The following TTN variants were observed in gnomAD, a reference collection of about 807,000 sequenced individuals.
TTN encodes the protein titin.
TTN carries 1,525 observed loss-of-function variants against 3,223.0 expected under a neutral mutation model. The observed-to-expected ratio is 0.47, with a 90% CI of 0.45 to 0.49. The LOEUF (loss-of-function observed/expected upper bound fraction) is 0.49, where lower values mean the gene tolerates loss of function less well. Ranked by LOEUF, TTN falls within the 20% of genes least tolerant of loss-of-function variation. The pLI, the probability that TTN is intolerant of heterozygous loss-of-function variation, is 0.00. For missense variants in TTN, 40,786 were observed against 43,424.0 expected, an observed-to-expected ratio of 0.94 and a Z score of 5.40; for synonymous variants, 14,094 against 15,161.0, an observed-to-expected ratio of 0.93 and a Z score of 5.17.
At chr2:178,712,248 A>T in intron 95 of TTN, 26 bp from the exon 96 acceptor site, 1 of 1,610,210 alleles carries the variant, frequency 6.2e-7, no homozygotes, top group Admixed American at 1.7e-5. Context: ...ATAATCAATC[A>T]GTCATGAAGG....
At chr2:178,669,770 A>C (rs1445845133) in intron 157 of TTN, 95 bp from the exon 158 acceptor site, 1 of 1,175,088 alleles carries the variant, frequency 8.5e-7, no homozygotes, top group East Asian at 2.4e-5. Context: ...GATGAACGCC[A>C]AAAACCCCTC....
rs1691031638 is a variant in TTN, at chr2:178,535,519, C to G, written c.101096G>C (p.Ser33699Thr). The change falls in exon 358 of 363, where the codon AGT becomes ACT. Residue 33699 changes from serine (S) to threonine (T), a missense_variant. Coordinates refer to ENST00000589042, the MANE Select transcript of TTN (RefSeq NM_001267550.2). Reference protein sequence around the residue: ...VPDPPRGVKVSDVSRDSVNLT... With the variant: ...VPDPPRGVKVTDVSRDSVNLT... ...GTTGACAGAATCTCGTGAGACATCACTAACTTTGACTCCTCTGGGTGGGTC... is the reference window on the plus strand; with the variant it reads ...GTTGACAGAATCTCGTGAGACATCAGTAACTTTGACTCCTCTGGGTGGGTC... 6.2e-7 allele frequency: 1 copy of G among 1,613,882 alleles called. No individual in the cohort carries two copies. Among genetic ancestry groups the G allele is most frequent in the African/African-American group, 1.3e-5 (1 of 75,028 alleles).
rs1172579091 is a variant in TTN at position 178,572,534 on chromosome 2, TTAGTGACC to T, written c.73590_73597del (p.Val24531AspfsTer13). 1 of 1,613,474 alleles carries T rather than the reference TTAGTGACC, an allele frequency of 6.2e-7. No individual in the cohort carries two copies. Among genetic ancestry groups the T allele is most frequent in the Non-Finnish European group, 8.5e-7 (1 of 1,179,600 alleles). ...GTCCCATGTGAGTGTGACAGATGTCTTAGTGACCTCTTTTACCTTCAGATCCTGTGGGG... is the reference window on the plus strand; with the variant it reads ...GTCCCATGTGAGTGTGACAGATGTCTTCTTTTACCTTCAGATCCTGTGGGG... On this transcript the variant is annotated frameshift_variant, in exon 326 of 363. Transcript: ENST00000589042. LOFTEE classifies it high-confidence loss of function.
chr2:178,770,895 T>C (rs2091378559), intron 34 of TTN: 2 of 813,778 alleles, frequency 2.5e-6, no homozygotes, highest in Non-Finnish European at 4.3e-6. Flanking sequence ...TATGCTTTAG[T>C]AGTATGAAGT....
At chr2:178,685,172 A>G in intron 129 of TTN, 81 bp downstream of exon 129, 1 of 1,308,648 alleles carries the variant, frequency 7.6e-7, no homozygotes, top group Non-Finnish European at 1.1e-6. Context: ...ATTGTTATGC[A>G]TAAGACAGTT....
Position 178,585,191 on chromosome 2 carries a change from GC to G in TTN, c.64552del (p.Ala21518GlnfsTer7), listed in dbSNP as rs1432617601. On this transcript the variant is annotated frameshift_variant, in exon 309 of 363. Coordinates refer to ENST00000589042, the MANE Select transcript of TTN (RefSeq NM_001267550.2). LOFTEE classifies it high-confidence loss of function. ...VTSSHLAVHK[A>X]DSSSILIIKD... is the part of the protein sequence containing the mutation. ...TATGATCAGAATTGAAGAGCTGTCTGCTTTATGCACTGCCAGGTGGCTGGAT... is the reference window on the plus strand; with the variant it reads ...TATGATCAGAATTGAAGAGCTGTCTGTTTATGCACTGCCAGGTGGCTGGAT... 2 of 1,613,218 alleles carry G rather than the reference GC, an allele frequency of 1.2e-6. No individual in the cohort carries two copies. The highest frequency in any genetic ancestry group is 2.7e-5 in the African/African-American group (2 of 74,868).
intron 311 of TTN, 92 bp downstream of exon 311, chr2:178,584,182 CTG>C: frequency 1.4e-6 from 2 of 1,383,844 alleles, no homozygotes; most frequent in Admixed American, 4.6e-5. Context: ...CTACTACTCT[CTG>C]TGTCTTGGAG....
In TTN at chr2:178,569,269, T is replaced by G; in HGVS notation, c.76863A>C (p.Thr25621=). The G allele has an allele frequency of 6.2e-7, 1 of 1,606,820 alleles. No homozygotes were observed. Among genetic ancestry groups the G allele is most frequent in the South Asian group, 1.1e-5 (1 of 89,994 alleles). The change falls in exon 326 of 363, where the codon ACA becomes ACC. Residue 25621 remains threonine (T), a synonymous_variant. Coordinates refer to ENST00000589042, the MANE Select transcript of TTN (RefSeq NM_001267550.2). The part of the protein sequence containing the change: ...TEITKDSVSI[T]WEPPLLDGGS... ...CCCCATCCAACAAAGGAGGTTCCCA[T>G]GTAATTGATACTGAGTCTTTGGTGA...
Position 178,639,682 on chromosome 2 carries a change from A to G in TTN, c.40876+17T>C. 1 of 1,610,680 alleles carries G rather than the reference A, an allele frequency of 6.2e-7. No homozygotes were observed. The highest frequency in any genetic ancestry group is 1.1e-5 in the South Asian group (1 of 90,856). On this transcript the variant is annotated intron_variant, in intron 223 of 362. Transcript: ENST00000589042. ...CACCAAAACAAACTAGCAAAAAGAA[A>G]GCTACAGGATAAATACCTGCTTTCT...
chr2:178,747,067 C>T lies in TTN; in HGVS notation c.11312-5146G>A, dbSNP rs1178315187. On this transcript the variant is annotated intron_variant, in intron 47 of 362. Coordinates refer to ENST00000589042, the MANE Select transcript of TTN (RefSeq NM_001267550.2). ...GAATAGAATATCTCTCTAGTGCCTC[C>T]CCTGGGGGTGTGGAATATCGCTCTA... The T allele has an allele frequency of 2.5e-6, 4 of 1,612,002 alleles. No individual in the cohort carries two copies. Among genetic ancestry groups the T allele is most frequent in the Non-Finnish European group, 3.4e-6 (4 of 1,178,954 alleles).
chr2:178,536,635 A>ATT, intron 356 of TTN, 60 bp from the exon 357 acceptor site: 1 of 1,374,258 alleles, frequency 7.3e-7, no homozygotes, highest in Non-Finnish European at 9.6e-7. Flanking sequence ...ATTAAAGCTT[A>ATT]TTTTTTTAAA....
At chr2:178,648,533 C>G (rs1355978641) in intron 213 of TTN, among the ~76,000 whole-genome samples, 1 of 152,086 alleles carries the variant, frequency 6.6e-6, no homozygotes, top group Admixed American at 6.6e-5. Context: ...CCTCAGCCTC[C>G]CAAGTAGCTG....
Position 178,551,821 on chromosome 2 carries a change from T to C in TTN, c.91079A>G (p.His30360Arg). The C allele has an allele frequency of 6.2e-7, 1 of 1,613,862 alleles. No homozygotes were observed. The highest frequency in any genetic ancestry group is 8.5e-7 in the Non-Finnish European group (1 of 1,179,810). Residue 30360 changes from histidine (H) to arginine (R), a missense_variant, in exon 335 of 363, where the codon CAT (histidine) becomes CGT (arginine). Coordinates refer to ENST00000589042, the MANE Select transcript of TTN (RefSeq NM_001267550.2). ...GCTATTTCTTTCTTTCTTTTCAACATGGAATCCAGTAACTTCTGAACCACC... is the reference window on the plus strand; with the variant it reads ...GCTATTTCTTTCTTTCTTTTCAACACGGAATCCAGTAACTTCTGAACCACC... The part of the protein sequence containing the change: ...YDGGSEVTGF[H>R]VEKKERNSIL...
chr2:178,580,228 A>G lies in TTN; in HGVS notation c.67059T>C (p.Asp22353=). ...TCACATTGACAGGTGGCCCAGGAGTATCTGGATAAATAGTAGGTAAATAAG... is the reference window on the plus strand; with the variant it reads ...TCACATTGACAGGTGGCCCAGGAGTGTCTGGATAAATAGTAGGTAAATAAG... ...KEYTIVVKVL[D]TPGPPVNVTV... is the part of the protein sequence containing the mutation. Residue 22353 remains aspartate (D), a splice_region_variant and synonymous_variant, in exon 318 of 363, where the codon GAT becomes GAC. Coordinates refer to ENST00000589042, the MANE Select transcript of TTN (RefSeq NM_001267550.2). 1 of 1,611,660 alleles carries G rather than the reference A, an allele frequency of 6.2e-7. No homozygotes were observed. Among genetic ancestry groups the G allele is most frequent in the Non-Finnish European group, 8.5e-7 (1 of 1,179,182 alleles).
At position 178,730,929 on chromosome 2, in the gene TTN, T is replaced by A. The variant is rs1248076023; in HGVS notation, c.17736A>T (p.Val5912=). 6.3e-7 allele frequency: 1 copy of A among 1,599,142 alleles called. No individual in the cohort carries two copies. The highest frequency in any genetic ancestry group is 8.5e-7 in the Non-Finnish European group (1 of 1,171,804). The change falls in exon 60 of 363, where the codon GTA becomes GTT. Residue 5912 remains valine, a synonymous_variant. Transcript: ENST00000589042. ...GRSSCKARIN[V]LDLIIPPSFT... ...CTGTAGAAGAACAATACCAACCTAA[T>A]ACATTAATTCTAGCCTTGCAGCTGC...
Position 178,601,053 on chromosome 2 carries a change from C to G in TTN, c.55851G>C (p.Glu18617Asp), listed in dbSNP as rs878854316. The stretch of plus-strand genomic sequence containing the variant: ...TCCCAGTAGGGTCCCATGCAAGGCA[C>G]TCAACAATATAGTGGGTAACAGGGG... ...GGSPVTHYIVECLAWDPTGTK... is the reference protein window; with the variant it reads ...GGSPVTHYIVDCLAWDPTGTK... Residue 18617 changes from glutamate to aspartate, a missense_variant, in exon 288 of 363, where the codon GAG becomes GAC. Transcript: ENST00000589042. 3 of 1,612,890 alleles carry G rather than the reference C, an allele frequency of 1.9e-6. No homozygotes were observed.
chr2:178,618,338 G>A lies in TTN; in HGVS notation c.47120C>T (p.Ala15707Val). ...CTCACAACTCTCTGCACGGTCTGTG[G>A]CCAGAACCCAGGTCTTTCTCTTAAT... is the stretch of plus-strand genomic sequence containing the variant. ...RDIKRKTWVLATDRAESCEFT... is the reference protein window; with the variant it reads ...RDIKRKTWVLVTDRAESCEFT... The change falls in exon 252 of 363, where the codon GCC becomes GTC. Residue 15707 changes from alanine (A) to valine (V), a missense_variant. Coordinates refer to ENST00000589042, the MANE Select transcript of TTN (RefSeq NM_001267550.2). The A allele has an allele frequency of 6.2e-7, 1 of 1,612,554 alleles. No homozygotes were observed. The highest frequency in any genetic ancestry group is 8.5e-7 in the Non-Finnish European group (1 of 1,179,092).
At position 178,530,825 on chromosome 2, in the gene TTN, C is replaced by G. The variant is rs770730954; in HGVS notation, c.105790G>C (p.Val35264Leu). Residue 35264 changes from valine (V) to leucine (L), a missense_variant, in exon 358 of 363, where the codon GTA (valine) becomes CTA (leucine). Val to Leu is a conservative substitution (Grantham distance 32). Coordinates refer to ENST00000589042, the MANE Select transcript of TTN (RefSeq NM_001267550.2). ...KSPEPSHPKA[V>L]SPTETKPTPT... Reference sequence around the variant, plus strand: ...GTTGGTTTTGTCTCTGTGGGTGATACGGCTTTCGGGTGAGAAGGTTCTGGA... The same window carrying G: ...GTTGGTTTTGTCTCTGTGGGTGATAGGGCTTTCGGGTGAGAAGGTTCTGGA... The G allele has an allele frequency of 6.2e-7, 1 of 1,613,524 alleles. No homozygotes were observed. Among genetic ancestry groups the G allele is most frequent in the African/African-American group, 1.3e-5 (1 of 74,790 alleles).
chr2:178,594,498 G>A lies in TTN; in HGVS notation c.57996C>T (p.His19332=), dbSNP rs762362185. ...TAAGCAAGTTGTCATTTGTAACTTT[G>A]TGGAACTTCTCAGTCCCAATGAGCC... ...ESRLIGTEKF[H]KVTNDNLLSR... Residue 19332 remains histidine (H), a synonymous_variant, in exon 296 of 363, where the codon CAC becomes CAT. Coordinates refer to ENST00000589042, the MANE Select transcript of TTN (RefSeq NM_001267550.2). The A allele has an allele frequency of 3.1e-6, 5 of 1,613,252 alleles. No homozygotes were observed. Among genetic ancestry groups the A allele is most frequent in the East Asian group, 2.2e-5 (1 of 44,786 alleles).
Sources: allele counts gnomAD v4.1 joint callset (sites outside exome capture counted in the v4.1 genomes callset), GRCh38; gene constraint gnomAD v4.1.1; transcripts MANE v1.5; gene names NCBI Gene and HGNC (gene_info 2026-07-23, HGNC 2026-07-21).